The following DNAH14 variants were observed in gnomAD, a reference collection of about 807,000 sequenced individuals.
DNAH14 encodes the protein axonemal beta dynein heavy chain 14.
A neutral mutation model predicts 520.9 loss-of-function variants in DNAH14; 478 were observed. The ratio of observed to expected loss-of-function variants is 0.92; its 90% CI spans 0.85 to 0.99. DNAH14 has a LOEUF of 0.99. Among genes scored for constraint, DNAH14 ranks in the 50% least tolerant of loss-of-function variants. The pLI is 0.00. For synonymous variants in DNAH14, 1,581 were observed against 1,757.2 expected, an observed-to-expected ratio of 0.90 and a Z score of 2.51; for missense variants, 4,831 against 5,234.5, an observed-to-expected ratio of 0.92 and a Z score of 2.38.
intron 21 of DNAH14, among the ~76,000 whole-genome samples, chr1:225,093,753 G>T (rs2074632498): frequency 6.6e-6 from 1 of 152,008 alleles, no homozygotes; most frequent in Admixed American, 6.6e-5. Context: ...CTGCACAAAA[G>T]CTCCTAGATC....
chr1:225,269,040 A>G (rs1396261191), intron 49 of DNAH14, among the ~76,000 whole-genome samples: 2 of 152,214 alleles, frequency 1.3e-5, no homozygotes, highest in Admixed American at 1.3e-4. Flanking sequence ...AAGCCAAAAG[A>G]ACAAAGCTGG....
rs1223743855 is a variant in DNAH14, at chr1:225,381,335, CTTT to C, written c.12881-45_12881-43del. On this transcript the variant is annotated intron_variant, in intron 80 of 85. Coordinates refer to ENST00000682510, the MANE Select transcript of DNAH14 (RefSeq NM_001367479.1). Reference sequence around the variant, plus strand: ...GCCTAAGTCCCTCCATGTAAAGCCTCTTTTTAATCTGTAAAATATCAAAATTTT... The same window carrying C: ...GCCTAAGTCCCTCCATGTAAAGCCTCTTAATCTGTAAAATATCAAAATTTT... 2.0e-6 allele frequency: 3 copies of C among 1,504,882 alleles called. No homozygotes were observed. In the African/African-American group the frequency reaches 4.3e-5, roughly 21 times the overall value. 93.2% of individuals were successfully genotyped at this position (1,504,882 alleles called of 1,614,324 possible).
At chr1:225,107,462 T>C (rs2076157412) in intron 23 of DNAH14, among the ~76,000 whole-genome samples, 1 of 152,182 alleles carries the variant, frequency 6.6e-6, no homozygotes, top group Non-Finnish European at 1.5e-5. Flanking sequence ...ATGGCTCCGA[T>C]GAGTGGAGGA....
In DNAH14 at chr1:225,069,715, G is replaced by C. The variant is rs190784888; in HGVS notation, c.2425-9492G>C. 5.4e-3 allele frequency among the ~76,000 whole-genome samples: 829 copies of C among 152,204 alleles called. 43 individuals carry two copies. The highest frequency in any genetic ancestry group is 0.049 in the Admixed American group (751 of 15,286). On this transcript the variant is annotated intron_variant, in intron 17 of 85. Coordinates refer to ENST00000682510, the MANE Select transcript of DNAH14 (RefSeq NM_001367479.1). ...CGGGTTTTGGTATCAGGATGATGCT[G>C]GCCTCATAGAATGACTTAGGGAGGA...
chr1:225,169,793 G>T (rs973524511), intron 36 of DNAH14, among the ~76,000 whole-genome samples: 1 of 152,136 alleles, frequency 6.6e-6, no homozygotes, highest in Non-Finnish European at 1.5e-5. Flanking sequence ...TCCTTGAGAA[G>T]AGTAACTCCA....
At chr1:225,284,783 C>G (rs2093699273) in intron 54 of DNAH14, among the ~76,000 whole-genome samples, 1 of 152,140 alleles carries the variant, frequency 6.6e-6, no homozygotes, top group African/African-American at 2.4e-5. Context: ...AAGTATTATA[C>G]ATCATAAACA....
chr1:225,093,281 CA>C (rs2074574878), intron 21 of DNAH14, among the ~76,000 whole-genome samples: 1 of 152,056 alleles, frequency 6.6e-6, no homozygotes, highest in South Asian at 2.1e-4. Context: ...AAATCTAAGC[CA>C]CTCTGATGAA....
At chr1:225,133,629 C>T (rs1354768345) in intron 27 of DNAH14, among the ~76,000 whole-genome samples, 1 of 152,094 alleles carries the variant, frequency 6.6e-6, no homozygotes, top group Non-Finnish European at 1.5e-5. Context: ...GTCACTGTAG[C>T]CTTGTAGTAT....
chr1:224,983,607 T>C (rs2062425948), intron 8 of DNAH14, among the ~76,000 whole-genome samples: 1 of 152,202 alleles, frequency 6.6e-6, no homozygotes, highest in South Asian at 2.1e-4. Context: ...GAAGTCAAAC[T>C]GTCCCTGTTT....
intron 17 of DNAH14, among the ~76,000 whole-genome samples, chr1:225,067,728 C>CT (rs954474948): frequency 7.9e-5 from 12 of 151,830 alleles, no homozygotes; most frequent in African/African-American, 2.4e-4. Context: ...TGATGTTGAG[C>CT]TTTTTTTTCA....
At chr1:225,228,280 A>C (rs2090749147) in intron 41 of DNAH14, among the ~76,000 whole-genome samples, 1 of 152,222 alleles carries the variant, frequency 6.6e-6, no homozygotes. Flanking sequence ...CAGGGTATAG[A>C]TCAAAAGATT....
rs74321416 is a variant in DNAH14 at position 225,355,105 on chromosome 1, T to G, written c.11619+1217T>G. 1.8e-3 allele frequency among the ~76,000 whole-genome samples: 269 copies of G among 152,144 alleles called. 4 individuals carry two copies. The East Asian group carries it at 0.03, about 17-fold the overall frequency. ...AAATAGATTGCTAAAACCCAATAGA[T>G]TGGGTAATTTATAAACAACGGAAAT... is the stretch of plus-strand genomic sequence containing the variant. On this transcript the variant is annotated intron_variant, in intron 73 of 85. Transcript: ENST00000682510.
intron 54 of DNAH14, among the ~76,000 whole-genome samples, chr1:225,285,935 A>G (rs536313847): frequency 2.0e-5 from 3 of 152,320 alleles, no homozygotes; most frequent in South Asian, 4.1e-4. Context: ...CATTTCCTCT[A>G]TCTGTTCTTC....
At chr1:225,078,799 T>C (rs867324159) in intron 17 of DNAH14, among the ~76,000 whole-genome samples, 1,470 of 57,522 alleles carry the variant, frequency 0.026, 12 homozygotes, top group Non-Finnish European at 0.041. Context: ...TCTCTCTCTC[T>C]CTCTCTCTCT....
chr1:225,321,398 C>A (rs2094553148), intron 61 of DNAH14, among the ~76,000 whole-genome samples: 1 of 152,090 alleles, frequency 6.6e-6, no homozygotes. Flanking sequence ...ATATAACCAA[C>A]CTGCACATGT....
chr1:225,381,535 A>G lies in DNAH14; in HGVS notation c.13033A>G (p.Ile4345Val). Residue 4345 changes from isoleucine to valine, a missense_variant, in exon 81 of 86, where the codon ATA becomes GTA. Coordinates refer to ENST00000682510, the MANE Select transcript of DNAH14 (RefSeq NM_001367479.1). ...EIILTQELEE[I>V]FNSFLNMRVP... The stretch of plus-strand genomic sequence containing the variant: ...CATCCTCACCCAAGAATTGGAGGAA[A>G]TATTTAACTCTTTTCTTAATATGAG... The G allele has an allele frequency of 6.5e-7, 1 of 1,543,740 alleles. No homozygotes were observed. Among genetic ancestry groups the G allele is most frequent in the Non-Finnish European group, 8.7e-7 (1 of 1,144,906 alleles).
At chr1:225,203,581 C>G (rs950907837) in intron 38 of DNAH14, among the ~76,000 whole-genome samples, 1 of 152,102 alleles carries the variant, frequency 6.6e-6, no homozygotes, top group Non-Finnish European at 1.5e-5. Flanking sequence ...TTAAGCCTCC[C>G]CATCTCAAGA....
Position 225,232,515 on chromosome 1 carries a change from A to G in DNAH14, c.6518+1364A>G, listed in dbSNP as rs2091228426. Reference sequence around the variant, plus strand: ...AGTGGAAGAAAAAAAATCTTGGTACAGCCTAAAAATGTCCTGCCTACCTTT... The same window carrying G: ...AGTGGAAGAAAAAAAATCTTGGTACGGCCTAAAAATGTCCTGCCTACCTTT... On this transcript the variant is annotated intron_variant, in intron 42 of 85. Transcript: ENST00000682510. The surrounding 1 kb of genome is among the most constrained non-coding windows in gnomAD (Gnocchi z 4.2). 6.6e-6 allele frequency among the ~76,000 whole-genome samples: 1 copy of G among 152,178 alleles called. No individual in the cohort carries two copies. Among genetic ancestry groups the G allele is most frequent in the Non-Finnish European group, 1.5e-5 (1 of 68,032 alleles).
At chr1:225,273,165 G>A (rs961247818) in intron 52 of DNAH14, 40 bp downstream of exon 52, 1 of 1,516,142 alleles carries the variant, frequency 6.6e-7, no homozygotes, top group Admixed American at 2.1e-5. Context: ...GGGTGTGGTG[G>A]CTTACGCCTG....
Sources: allele counts gnomAD v4.1 joint callset (sites outside exome capture counted in the v4.1 genomes callset), GRCh38; gene constraint gnomAD v4.1.1; non-coding constraint Gnocchi (gnomAD v3.1); transcripts MANE v1.5; gene names NCBI Gene and HGNC (gene_info 2026-07-23, HGNC 2026-07-21).